Variants in NRF1 observed in about 807,000 individuals in gnomAD.
NRF1 encodes the protein alpha palindromic-binding protein.
A neutral mutation model predicts 58.5 loss-of-function variants in NRF1; 5 were observed. That is an observed-to-expected ratio of 0.09 (90% CI 0.04 to 0.18). NRF1 has a LOEUF of 0.18. Among genes scored for constraint, NRF1 ranks in the 10% least tolerant of loss-of-function variants. The pLI is 1.00. For missense variants in NRF1, 288 were observed against 657.7 expected, an observed-to-expected ratio of 0.44 and a Z score of 6.15; for synonymous variants, 224 against 246.7, an observed-to-expected ratio of 0.91 and a Z score of 0.86.
chr7:129,651,626 A>G (rs1409161200), intron 1 of NRF1, among the ~76,000 whole-genome samples: 1 of 152,214 alleles, frequency 6.6e-6, no homozygotes, highest in Non-Finnish European at 1.5e-5. Context: ...GTTAGGTGCC[A>G]TCTAATCCCA....
chr7:129,633,002 AG>A (rs35828227), intron 1 of NRF1, among the ~76,000 whole-genome samples: 45,040 of 152,050 alleles, frequency 0.3, 8,297 homozygotes, highest in Non-Finnish European at 0.42. Context: ...ATTGCAAAAC[AG>A]CTACATAAAG....
intron 5 of NRF1, 29 bp downstream of exon 5, chr7:129,690,575 C>A (rs1479856160): frequency 3.1e-6 from 5 of 1,612,886 alleles, no homozygotes; most frequent in Non-Finnish European, 4.2e-6. Flanking sequence ...GGAGGAGACT[C>A]AAAGACAAGT....
intron 10 of NRF1, among the ~76,000 whole-genome samples, chr7:129,745,995 T>C (rs1803967320): frequency 6.6e-6 from 1 of 152,194 alleles, no homozygotes; most frequent in African/African-American, 2.4e-5. Context: ...CAGAAAGCAG[T>C]TTTTCTTAGT....
At chr7:129,619,124 T>A (rs1800715569) in intron 1 of NRF1, among the ~76,000 whole-genome samples, 1 of 151,228 alleles carries the variant, frequency 6.6e-6, no homozygotes, top group South Asian at 2.1e-4. Flanking sequence ...CATCTGAGGG[T>A]CAAGTAGAAG....
At chr7:129,671,676 T>C (rs1160902341) in intron 3 of NRF1, 133 bp downstream of exon 3, 1 of 582,934 alleles carries the variant, frequency 1.7e-6, no homozygotes, top group Non-Finnish European at 3.1e-6. Context: ...GACTTAAAAG[T>C]ATTCTTACAA....
At chr7:129,663,681 G>A (rs1183511108) in intron 2 of NRF1, among the ~76,000 whole-genome samples, 3 of 151,374 alleles carry the variant, frequency 2.0e-5, no homozygotes, top group African/African-American at 4.9e-5. Context: ...CATCCCAGAC[G>A]ATGGGCGGCC....
At chr7:129,652,185 G>T (rs1323414560) in intron 1 of NRF1, among the ~76,000 whole-genome samples, 1 of 152,090 alleles carries the variant, frequency 6.6e-6, no homozygotes, top group Non-Finnish European at 1.5e-5. Flanking sequence ...CAAAATAAGA[G>T]AAAAATTTTA....
chr7:129,693,706 A>G (rs1190584054), intron 5 of NRF1, among the ~76,000 whole-genome samples: 2 of 152,148 alleles, frequency 1.3e-5, no homozygotes, highest in Non-Finnish European at 2.9e-5. Context: ...TTCTGTTTCT[A>G]GAGGCATTCT....
intron 10 of NRF1, among the ~76,000 whole-genome samples, chr7:129,738,492 A>T (rs1199612068): frequency 6.6e-6 from 1 of 152,200 alleles, no homozygotes; most frequent in Non-Finnish European, 1.5e-5. Context: ...TTTCTCTAAG[A>T]TGAATCGTTT....
At position 129,756,836 on chromosome 7, in the gene NRF1, A is replaced by T. The variant is rs992266743; in HGVS notation, c.*1655A>T. 1.3e-5 allele frequency: 2 copies of T among 152,544 alleles called. No homozygotes were observed. The highest frequency in any genetic ancestry group is 4.8e-5 in the African/African-American group (2 of 41,410). 9.4% of individuals were successfully genotyped at this position (152,544 alleles called of 1,614,324 possible). ...ATGGGGGGAGGGGAGGGAAATTTAC[A>T]TATAAATAGTCCTAGTTCTACAATT... On this transcript the variant is annotated 3_prime_UTR_variant, in exon 11 of 11. Coordinates refer to ENST00000393232, the MANE Select transcript of NRF1 (RefSeq NM_005011.5).
chr7:129,675,130 C>G (rs1046108076), intron 3 of NRF1, among the ~76,000 whole-genome samples: 24 of 152,304 alleles, frequency 1.6e-4, no homozygotes, highest in African/African-American at 5.8e-4. Context: ...TCTCAGGAAA[C>G]CGCTTTCTTT....
At position 129,616,436 on chromosome 7, in the gene NRF1, CAAAA is replaced by C. The variant is rs1315785847; in HGVS notation, c.-7+4616_-7+4619del. Among the ~76,000 whole-genome samples, 2 of 151,934 alleles carry C rather than the reference CAAAA, an allele frequency of 1.3e-5. 1 individual carries two copies. Among genetic ancestry groups the C allele is most frequent in the Non-Finnish European group, 2.9e-5 (2 of 67,944 alleles). On this transcript the variant is annotated intron_variant, in intron 1 of 10. Coordinates refer to ENST00000393232, the MANE Select transcript of NRF1 (RefSeq NM_005011.5). ...TGTCTTTACAGAATATTTAAAAAAA[CAAAA>C]AAACGAAAAACTAGCTGGGTATGGT...
intron 8 of NRF1, among the ~76,000 whole-genome samples, chr7:129,716,539 A>G (rs1476973951): frequency 6.6e-6 from 1 of 152,152 alleles, no homozygotes; most frequent in Non-Finnish European, 1.5e-5. Context: ...GTTTTGAAGT[A>G]TGTATATATC....
intron 5 of NRF1, among the ~76,000 whole-genome samples, chr7:129,699,739 A>G (rs1802775711): frequency 6.6e-6 from 1 of 151,782 alleles, no homozygotes; most frequent in African/African-American, 2.4e-5. Context: ...TCAAAAAAAA[A>G]GAAAAAAAAA....
At chr7:129,632,900 G>GT (rs779030790) in intron 1 of NRF1, among the ~76,000 whole-genome samples, 5 of 152,066 alleles carry the variant, frequency 3.3e-5, no homozygotes, top group African/African-American at 4.8e-5. Context: ...CAATATTTTG[G>GT]TTTTTTCCTT....
At chr7:129,739,542 A>T (rs1174043192) in intron 10 of NRF1, among the ~76,000 whole-genome samples, 2 of 65,484 alleles carry the variant, frequency 3.1e-5, no homozygotes, top group African/African-American at 8.4e-5. Flanking sequence ...CTTTGCTTTT[A>T]AAAAAAAAAA....
At chr7:129,626,070 T>A (rs976198522) in intron 1 of NRF1, among the ~76,000 whole-genome samples, 2 of 152,200 alleles carry the variant, frequency 1.3e-5, no homozygotes, top group African/African-American at 4.8e-5. Flanking sequence ...TCCTCCCACC[T>A]TGGCCTGCCA....
chr7:129,708,661 C>T (rs1253878972), intron 5 of NRF1, among the ~76,000 whole-genome samples: 3 of 152,096 alleles, frequency 2.0e-5, no homozygotes, highest in Admixed American at 2.0e-4. Context: ...TTTATCAGCT[C>T]GCCTCTTATT....
chr7:129,678,936 G>A (rs1802244304), intron 4 of NRF1, among the ~76,000 whole-genome samples: 2 of 152,134 alleles, frequency 1.3e-5, no homozygotes, highest in African/African-American at 4.8e-5. Flanking sequence ...GGATGCACTA[G>A]ACTGAGATAA....
Sources: allele counts gnomAD v4.1 joint callset (sites outside exome capture counted in the v4.1 genomes callset), GRCh38; gene constraint gnomAD v4.1.1; transcripts MANE v1.5; gene names NCBI Gene and HGNC (gene_info 2026-07-23, HGNC 2026-07-21).